The following CD72 variants were observed in gnomAD, a reference collection of about 807,000 sequenced individuals.
CD72 encodes B-cell differentiation antigen CD72.
CD72 carries 28 observed loss-of-function variants against 50.7 expected under a neutral mutation model. The observed-to-expected ratio is 0.55, with a 90% CI of 0.41 to 0.76. The LOEUF is 0.76. Among genes scored for constraint, CD72 ranks in the 30% least tolerant of loss-of-function variants. The pLI, the probability that CD72 is intolerant of heterozygous loss-of-function variation, is 0.00. For missense variants in CD72, 403 were observed against 420.6 expected, an observed-to-expected ratio of 0.96 and a Z score of 0.37; for synonymous variants, 176 against 171.2, an observed-to-expected ratio of 1.03 and a Z score of -0.22.
At chr9:35,625,868 T>C (rs1351540235) in intron 1 of CD72, among the ~76,000 whole-genome samples, 2 of 152,176 alleles carry the variant, frequency 1.3e-5, no homozygotes, top group Non-Finnish European at 2.9e-5. Context: ...TTAGTGAATA[T>C]TTTAAGCCCA....
At chr9:35,633,880 G>C (rs1023096300) in intron 1 of CD72, among the ~76,000 whole-genome samples, 2 of 152,146 alleles carry the variant, frequency 1.3e-5, no homozygotes, top group African/African-American at 4.8e-5. Context: ...TTAAGTCGGG[G>C]ATTGTCTGTA....
At chr9:35,642,050 G>C (rs1007183832) in intron 1 of CD72, among the ~76,000 whole-genome samples, 1 of 152,180 alleles carries the variant, frequency 6.6e-6, no homozygotes, top group African/African-American at 2.4e-5. Flanking sequence ...CCTGGAGTGA[G>C]GGGATTACTT....
At position 35,618,320 on chromosome 9, in the gene CD72, GC is replaced by G; in HGVS notation, c.-18del. On this transcript the variant is annotated 5_prime_UTR_variant, in exon 1 of 9. Coordinates refer to ENST00000259633, the MANE Select transcript of CD72 (RefSeq NM_001782.3). The stretch of plus-strand genomic sequence containing the variant: ...CTCAGCCATGGTCCTGAGCAGCTCT[GC>G]CCCCACTCGTCTTCCCTGTCATCCA... The G allele has an allele frequency of 6.2e-7, 1 of 1,614,006 alleles. No homozygotes were observed. Among genetic ancestry groups the G allele is most frequent in the Non-Finnish European group, 8.5e-7 (1 of 1,179,946 alleles).
At chr9:35,610,344 G>T in intron 8 of CD72, 44 bp from the exon 9 acceptor site, 1 of 362,582 alleles carries the variant, frequency 2.8e-6, no homozygotes, top group South Asian at 5.2e-5. Flanking sequence ...TGACTTAACT[G>T]AACCCTCATC....
chr9:35,634,642 C>A (rs138976781), intron 1 of CD72, among the ~76,000 whole-genome samples: 1 of 152,192 alleles, frequency 6.6e-6, no homozygotes, highest in Non-Finnish European at 1.5e-5. Context: ...CGTGAGCCAC[C>A]GCGGCTGGCC....
chr9:35,637,563 C>T (rs1424637507), intron 1 of CD72, among the ~76,000 whole-genome samples: 7 of 152,178 alleles, frequency 4.6e-5, no homozygotes, highest in Non-Finnish European at 1.5e-5. Flanking sequence ...CTTCAATCTC[C>T]CTGTCCTTCC....
At chr9:35,624,390 T>C (rs572938261), upstream of CD72, among the ~76,000 whole-genome samples, 1 of 152,044 alleles carries the variant, frequency 6.6e-6, no homozygotes, top group African/African-American at 2.4e-5. Context: ...GGAATTTAAG[T>C]GGGAAAATAT....
intron 1 of CD72, among the ~76,000 whole-genome samples, chr9:35,628,465 G>C (rs1315997837): frequency 1.3e-5 from 2 of 152,330 alleles, no homozygotes; most frequent in Admixed American, 1.3e-4. Flanking sequence ...ATGGTGGCAG[G>C]CACCTGTAGT....
At chr9:35,626,962 C>T (rs912962296) in intron 1 of CD72, among the ~76,000 whole-genome samples, 2 of 151,756 alleles carry the variant, frequency 1.3e-5, no homozygotes, top group Non-Finnish European at 1.5e-5. Context: ...CAGCTACTCC[C>T]GAGTAGCTGG....
At chr9:35,625,396 G>A (rs1823187001) in intron 1 of CD72, among the ~76,000 whole-genome samples, 2 of 152,230 alleles carry the variant, frequency 1.3e-5, no homozygotes, top group Admixed American at 1.3e-4. Context: ...TGAGAGAATT[G>A]AGGAGGCTGC....
chr9:35,614,111 T>C (rs1380908146), intron 5 of CD72, among the ~76,000 whole-genome samples: 1 of 151,920 alleles, frequency 6.6e-6, no homozygotes, highest in Non-Finnish European at 1.5e-5. Context: ...ATGGAAGCCA[T>C]GTTAAGGATT....
At position 35,612,800 on chromosome 9, in the gene CD72, C is replaced by T. The variant is rs766352124; in HGVS notation, c.834+48G>A. The T allele has an allele frequency of 8.8e-6, 14 of 1,582,896 alleles. No homozygotes were observed. In the South Asian group the frequency reaches 1.2e-4, roughly 14 times the overall value. ...ATTCCTGACTTGATGACATATGTCCCTTTACCTAATAGTACCCACTGCAGT... is the reference window on the plus strand; with the variant it reads ...ATTCCTGACTTGATGACATATGTCCTTTTACCTAATAGTACCCACTGCAGT... On this transcript the variant is annotated intron_variant, in intron 6 of 8. Coordinates refer to ENST00000259633, the MANE Select transcript of CD72 (RefSeq NM_001782.3).
chr9:35,619,657 G>A (rs1823125492), upstream of CD72: 1 of 152,286 alleles, frequency 6.6e-6, no homozygotes, highest in African/African-American at 2.4e-5. Context: ...CTTGTAGAGA[G>A]GCACGTGTGC....
intron 4 of CD72, 133 bp downstream of exon 4, chr9:35,616,467 G>A: frequency 1.1e-6 from 1 of 889,578 alleles, no homozygotes; most frequent in Non-Finnish European, 1.8e-6. Context: ...AACAGCCCTG[G>A]CTGGAAACCA....
upstream of CD72, chr9:35,618,548 TC>T: frequency 1.1e-6 from 1 of 894,320 alleles, no homozygotes; most frequent in Non-Finnish European, 1.7e-6. Flanking sequence ...GACGCTGAGG[TC>T]CAGAACACAG....
At chr9:35,615,029 G>T (rs1454249724) in intron 5 of CD72, among the ~76,000 whole-genome samples, 1 of 152,080 alleles carries the variant, frequency 6.6e-6, no homozygotes, top group Non-Finnish European at 1.5e-5. Flanking sequence ...AAAAGTGTGG[G>T]GAAAACCTGC....
At chr9:35,644,527 G>GA (rs1045202334) in intron 1 of CD72, among the ~76,000 whole-genome samples, 4 of 152,026 alleles carry the variant, frequency 2.6e-5, no homozygotes, top group African/African-American at 9.7e-5. Context: ...AGAGTCCTTG[G>GA]AAAGGTAGTG....
chr9:35,633,270 T>C (rs939292331), intron 1 of CD72, among the ~76,000 whole-genome samples: 32 of 151,816 alleles, frequency 2.1e-4, no homozygotes, highest in Non-Finnish European at 5.9e-5. Flanking sequence ...TTTTGTTTTT[T>C]TTTTTTCATT....
At chr9:35,639,645 C>T (rs1823321752) in intron 1 of CD72, among the ~76,000 whole-genome samples, 1 of 152,162 alleles carries the variant, frequency 6.6e-6, no homozygotes, top group Non-Finnish European at 1.5e-5. Flanking sequence ...ATCTGTCCTC[C>T]TGTGAACATT....
Sources: allele counts gnomAD v4.1 joint callset (sites outside exome capture counted in the v4.1 genomes callset), GRCh38; gene constraint gnomAD v4.1.1; transcripts MANE v1.5; gene names NCBI Gene and HGNC (gene_info 2026-07-23, HGNC 2026-07-21).